Variants in ARHGEF10L observed in about 807,000 individuals in gnomAD.
ARHGEF10L encodes the protein rho guanine nucleotide exchange factor 10-like protein.
A neutral mutation model predicts 141.2 loss-of-function variants in ARHGEF10L; 69 were observed. That is an observed-to-expected ratio of 0.49 (90% CI 0.40 to 0.60). The LOEUF is 0.60. ARHGEF10L is among the 20% of genes least tolerant of loss of function. The pLI is 0.00. For synonymous variants in ARHGEF10L, 711 were observed against 718.5 expected, an observed-to-expected ratio of 0.99 and a Z score of 0.17; for missense variants, 1,482 against 1,734.3, an observed-to-expected ratio of 0.85 and a Z score of 2.58.
intron 1 of ARHGEF10L, among the ~76,000 whole-genome samples, chr1:17,562,929 G>A (rs948933542): frequency 2.0e-5 from 3 of 152,214 alleles, no homozygotes; most frequent in East Asian, 1.9e-4. Flanking sequence ...CACAGCAGGC[G>A]GCCATGGGAC....
At chr1:17,537,435 G>T (rs967151577), upstream of ARHGEF10L, among the ~76,000 whole-genome samples, 9 of 152,016 alleles carry the variant, frequency 5.9e-5, no homozygotes, top group African/African-American at 1.9e-4. Flanking sequence ...CACAACGGGG[G>T]TCTGGGGCAT....
At chr1:17,604,061 T>A (rs560007367) in intron 6 of ARHGEF10L, among the ~76,000 whole-genome samples, 3 of 152,248 alleles carry the variant, frequency 2.0e-5, no homozygotes, top group South Asian at 4.1e-4. Flanking sequence ...CGAGTCTTGC[T>A]GGAACTCACC....
rs1490470854 is a variant in ARHGEF10L, at chr1:17,634,549, C to T, written c.1732C>T (p.Pro578Ser). The change falls in exon 17 of 29, where the codon CCT (proline) becomes TCT (serine). Residue 578 changes from proline to serine, a missense_variant and splice_region_variant. Physicochemically the swap from Pro to Ser is moderately conservative, Grantham distance 74 (BLOSUM62 -1). Coordinates refer to ENST00000361221, the MANE Select transcript of ARHGEF10L (RefSeq NM_018125.4). The stretch of plus-strand genomic sequence containing the variant: ...TTTCCTTCTTGTCTTTTTTCCCAGG[C>T]CTGCCAACCACAGGTACGTGGTTCA... ...MLVCANINFK[P>S]ANHRGQLEIS... 4 of 1,613,958 alleles carry T rather than the reference C, an allele frequency of 2.5e-6. No individual in the cohort carries two copies. Among genetic ancestry groups the T allele is most frequent in the African/African-American group, 1.3e-5 (1 of 74,930 alleles).
rs1361488040 is a variant in ARHGEF10L at position 17,619,677 on chromosome 1, C to T, written c.942+232C>T. The stretch of plus-strand genomic sequence containing the variant: ...TGCTGTTGGTTTTGGGGGGTGGGCT[C>T]CCGGCATCTAGAACGCTTGCGTCCC... On this transcript the variant is annotated intron_variant, in intron 10 of 28. Coordinates refer to ENST00000361221, the MANE Select transcript of ARHGEF10L (RefSeq NM_018125.4). This position sits in a 1 kb window ranked among gnomAD's most constrained non-coding sequence, Gnocchi z 5.0. Among the ~76,000 whole-genome samples, 1 of 152,112 alleles carries T rather than the reference C, an allele frequency of 6.6e-6. No individual in the cohort carries two copies. Among genetic ancestry groups the T allele is most frequent in the African/African-American group, 2.4e-5 (1 of 41,406 alleles).
chr1:17,638,098 C>A, intron 19 of ARHGEF10L, 95 bp downstream of exon 19: 1 of 1,114,472 alleles, frequency 9.0e-7, no homozygotes, highest in Non-Finnish European at 1.3e-6. Flanking sequence ...CCTCTCCTGG[C>A]CCATGTCCCC....
chr1:17,675,203 T>C (rs908934054), intron 26 of ARHGEF10L, among the ~76,000 whole-genome samples: 6 of 152,186 alleles, frequency 3.9e-5, no homozygotes, highest in African/African-American at 1.4e-4. Context: ...CCCAGCAGTC[T>C]TGGATGTGGA....
intron 9 of ARHGEF10L, among the ~76,000 whole-genome samples, chr1:17,618,857 C>T (rs879581581): frequency 5.3e-5 from 8 of 152,220 alleles, no homozygotes; most frequent in Admixed American, 5.2e-4. Context: ...TTCCCTTTAG[C>T]TCTGCATGTT....
At chr1:17,595,695 G>A (rs2100810444) in intron 4 of ARHGEF10L, among the ~76,000 whole-genome samples, 1 of 152,284 alleles carries the variant, frequency 6.6e-6, no homozygotes, top group East Asian at 1.9e-4. Context: ...AACACATGCA[G>A]GTGAGGCCCC....
chr1:17,664,479 G>A lies in ARHGEF10L; in HGVS notation c.2893G>A (p.Val965Met), dbSNP rs372655907. ...CCTGTGGGACCTGGAGAGCCCTCCC[G>A]TGTGCCTGACTGTGGGGCCCGGGCC... ...GVLWDLESPP[V>M]CLTVGPGPVR... The change falls in exon 26 of 29, where the codon GTG (valine) becomes ATG (methionine). Residue 965 changes from valine (V) to methionine (M), a missense_variant. This residue lies in a region of ARHGEF10L where 858 missense variants were observed against 966.3 expected (regional missense o/e 0.89). Coordinates refer to ENST00000361221, the MANE Select transcript of ARHGEF10L (RefSeq NM_018125.4). 6 of 1,606,346 alleles carry A rather than the reference G, an allele frequency of 3.7e-6. No individual in the cohort carries two copies. Among genetic ancestry groups the A allele is most frequent in the African/African-American group, 2.7e-5 (2 of 74,882 alleles).
chr1:17,568,426 G>C (rs1294793537), intron 1 of ARHGEF10L, among the ~76,000 whole-genome samples: 1 of 152,194 alleles, frequency 6.6e-6, no homozygotes. Context: ...ATCGAGCACA[G>C]AGCTCAGTCT....
intron 15 of ARHGEF10L, 36 bp from the exon 16 acceptor site, chr1:17,632,285 C>CGATGCT: frequency 1.2e-6 from 2 of 1,609,970 alleles, no homozygotes; most frequent in East Asian, 2.2e-5. Flanking sequence ...CGCCGGGCCG[C>CGATGCT]GATGCTGATG....
intron 22 of ARHGEF10L, among the ~76,000 whole-genome samples, chr1:17,649,957 G>T (rs954931975): frequency 9.8e-5 from 15 of 152,330 alleles, no homozygotes; most frequent in African/African-American, 3.6e-4. Flanking sequence ...GCTGGACCAC[G>T]CCAGCCTTGC....
rs2060351102 is a variant in ARHGEF10L, at chr1:17,625,831, C to T, written c.1318-125C>T. On this transcript the variant is annotated intron_variant, in intron 13 of 28. Coordinates refer to ENST00000361221, the MANE Select transcript of ARHGEF10L (RefSeq NM_018125.4). This position sits in a 1 kb window ranked among gnomAD's most constrained non-coding sequence, Gnocchi z 4.5. ...GACCTCTCTCAGCTCTTCTTGCAAG[C>T]CCAGGGATAGGCAGGGTCTTAGGGC... The T allele has an allele frequency of 2.5e-6, 2 of 786,626 alleles. No homozygotes were observed. Among genetic ancestry groups the T allele is most frequent in the Admixed American group, 2.3e-5 (1 of 44,198 alleles). The allele number at this position is 786,626 out of a possible 1,614,324, so 48.7% of individuals were successfully genotyped here. A position where few individuals can be genotyped will look rare whatever the true frequency, so the allele number is the denominator to read the frequency against.
chr1:17,592,416 A>G, intron 4 of ARHGEF10L, among the ~76,000 whole-genome samples: 1 of 152,066 alleles, frequency 6.6e-6, no homozygotes, highest in South Asian at 2.1e-4. Context: ...AGATGGTTGT[A>G]CTGCCTGTTG....
At chr1:17,597,836 T>A (rs2080264670) in intron 4 of ARHGEF10L, among the ~76,000 whole-genome samples, 1 of 152,204 alleles carries the variant, frequency 6.6e-6, no homozygotes, top group Admixed American at 6.5e-5. Context: ...AGCCTCCCCC[T>A]GCCTATGAGT....
rs145721633 is a variant in ARHGEF10L, at chr1:17,672,696, C to T, written c.3009+8101C>T. On this transcript the variant is annotated intron_variant, in intron 26 of 28. Coordinates refer to ENST00000361221, the MANE Select transcript of ARHGEF10L (RefSeq NM_018125.4). ...GTGGAGACTTCCCAGGAGGCTCCGA[C>T]AAGAACAAGTTCACAAGGAAGATGA... Among the ~76,000 whole-genome samples, 263 of 152,246 alleles carry T rather than the reference C, an allele frequency of 1.7e-3. 2 individuals are homozygous for T. Among genetic ancestry groups the T allele is most frequent in the Middle Eastern group, 0.01 (3 of 294 alleles).
chr1:17,688,090 T>G (rs544047421), intron 27 of ARHGEF10L, among the ~76,000 whole-genome samples: 1 of 152,334 alleles, frequency 6.6e-6, no homozygotes, highest in Non-Finnish European at 1.5e-5. Context: ...CTGCCCAGGT[T>G]GACCAAACAC....
intron 22 of ARHGEF10L, 107 bp downstream of exon 22, chr1:17,648,782 G>A (rs564348889): frequency 1.4e-6 from 2 of 1,431,340 alleles, no homozygotes; most frequent in African/African-American, 2.8e-5. Flanking sequence ...GAAGGCTCAG[G>A]TTCCAGCTGT....
intron 3 of ARHGEF10L, 144 bp from the exon 4 acceptor site, chr1:17,588,302 G>T: frequency 5.1e-6 from 4 of 785,758 alleles, no homozygotes; most frequent in Middle Eastern, 3.8e-4. Context: ...GGCTGGGGGA[G>T]GGAGGCGGGG....
Sources: gnomAD v4.1 joint callset for allele counts (sites outside exome capture counted in the v4.1 genomes callset) on GRCh38, gnomAD v4.1.1 for gene constraint, gnomAD v4.1.1 regional missense constraint, Gnocchi (gnomAD v3.1) non-coding constraint, MANE v1.5 for transcripts, NCBI Gene and HGNC (gene_info 2026-07-23, HGNC 2026-07-21) for gene names.